Variants in STK38L observed in about 807,000 individuals in gnomAD.
STK38L encodes the protein serine/threonine kinase 38 like.
Under a neutral mutation model 59.7 loss-of-function variants are expected in STK38L, and 28 were observed. The ratio of observed to expected loss-of-function variants is 0.47; its 90% CI spans 0.35 to 0.64. The LOEUF (loss-of-function observed/expected upper bound fraction) is 0.64. Among genes scored for constraint, STK38L ranks in the 30% least tolerant of loss-of-function variants. STK38L has a pLI of 0.01. For missense variants in STK38L, 314 were observed against 555.8 expected, an observed-to-expected ratio of 0.56 and a Z score of 4.37; for synonymous variants, 162 against 176.8, an observed-to-expected ratio of 0.92 and a Z score of 0.66.
At chr12:27,304,755 G>T (rs964323777) in intron 3 of STK38L, among the ~76,000 whole-genome samples, 9 of 152,062 alleles carry the variant, frequency 5.9e-5, no homozygotes, top group African/African-American at 2.2e-4. Context: ...TAGGGGAAGA[G>T]ACTGCAAAAA....
intron 1 of STK38L, among the ~76,000 whole-genome samples, chr12:27,287,505 C>T (rs1943800417): frequency 6.6e-6 from 1 of 152,116 alleles, no homozygotes; most frequent in South Asian, 2.1e-4. Flanking sequence ...TATGTATATT[C>T]CATATTTTTG....
chr12:27,286,807 GAA>G (rs1943783062), intron 1 of STK38L, among the ~76,000 whole-genome samples: 1 of 152,182 alleles, frequency 6.6e-6, no homozygotes, highest in Non-Finnish European at 1.5e-5. Context: ...AGGGTGGACA[GAA>G]AGGCACCTCA....
intron 3 of STK38L, 182 bp downstream of exon 3, chr12:27,302,370 A>G (rs1944196244): frequency 2.4e-6 from 1 of 425,508 alleles, no homozygotes; most frequent in Admixed American, 4.2e-5. Context: ...TTTTTTTCTT[A>G]AATTCCAAGA....
intron 1 of STK38L, among the ~76,000 whole-genome samples, chr12:27,260,949 C>T: frequency 6.6e-6 from 1 of 152,140 alleles, no homozygotes; most frequent in East Asian, 1.9e-4. Flanking sequence ...ACAGATGACT[C>T]ATCTTTCTTT....
chr12:27,304,178 G>T (rs1170192353), intron 3 of STK38L, among the ~76,000 whole-genome samples: 1 of 149,022 alleles, frequency 6.7e-6, no homozygotes, highest in Admixed American at 6.7e-5. Flanking sequence ...AGGATCACTT[G>T]AGCTCAGAAG....
Position 27,244,291 on chromosome 12 carries a change from C to T in STK38L, c.-53C>T, listed in dbSNP as rs1453852029. 1 of 152,316 alleles carries T rather than the reference C, an allele frequency of 6.6e-6. No individual in the cohort carries two copies. Among genetic ancestry groups the T allele is most frequent in the East Asian group, 1.9e-4 (1 of 5,194 alleles). 9.4% of individuals were successfully genotyped at this position (152,316 alleles called of 1,614,324 possible). On this transcript the variant is annotated 5_prime_UTR_variant, in exon 1 of 14. Coordinates refer to ENST00000389032, the MANE Select transcript of STK38L (RefSeq NM_015000.4). Reference sequence around the variant, plus strand: ...TGACGGGCGCCCGGCCGGCTGCGGTCCGTGCGGAGGCTGAGCCGGCCGCGG... The same window carrying T: ...TGACGGGCGCCCGGCCGGCTGCGGTTCGTGCGGAGGCTGAGCCGGCCGCGG...
At position 27,323,361 on chromosome 12, in the gene STK38L, A is replaced by G. The variant is rs887781078; in HGVS notation, c.*906A>G. 5 of 152,664 alleles carry G rather than the reference A, an allele frequency of 3.3e-5. No individual in the cohort carries two copies. The highest frequency in any genetic ancestry group is 2.1e-4 in the South Asian group (1 of 4,832). 9.5% of individuals were successfully genotyped at this position (152,664 alleles called of 1,614,324 possible). The stretch of plus-strand genomic sequence containing the variant: ...AGAATTAGTGTATTTTTATTAAACT[A>G]TTTTTTTAAATGTCAAACTTCTATC... On this transcript the variant is annotated 3_prime_UTR_variant, in exon 14 of 14. Transcript: ENST00000389032.
intron 1 of STK38L, among the ~76,000 whole-genome samples, chr12:27,296,546 TC>T (rs1944027040): frequency 6.6e-6 from 1 of 152,220 alleles, no homozygotes; most frequent in African/African-American, 2.4e-5. Flanking sequence ...CAGGTCCACA[TC>T]CAGGGCTCTG....
At chr12:27,291,038 T>A (rs556612507) in intron 1 of STK38L, among the ~76,000 whole-genome samples, 1 of 152,246 alleles carries the variant, frequency 6.6e-6, no homozygotes, top group East Asian at 1.9e-4. Context: ...CTATCCGAAG[T>A]GCAAATCAGA....
At chr12:27,260,606 G>C (rs1048479664) in intron 1 of STK38L, among the ~76,000 whole-genome samples, 1 of 152,026 alleles carries the variant, frequency 6.6e-6, no homozygotes, top group African/African-American at 2.4e-5. Context: ...CTCTGCTTCA[G>C]GGCCTTTGCA....
At chr12:27,250,197 T>A (rs1942942035) in intron 1 of STK38L, among the ~76,000 whole-genome samples, 1 of 152,152 alleles carries the variant, frequency 6.6e-6, no homozygotes, top group African/African-American at 2.4e-5. Flanking sequence ...GGCCAAGTTC[T>A]CCCATTGCTA....
At chr12:27,286,593 A>G (rs1291964898) in intron 1 of STK38L, among the ~76,000 whole-genome samples, 1 of 152,104 alleles carries the variant, frequency 6.6e-6, no homozygotes, top group Non-Finnish European at 1.5e-5. Flanking sequence ...TTTAATTTTA[A>G]ACATTTGGTT....
Position 27,324,736 on chromosome 12 carries a change from A to C in STK38L, c.*2281A>C, listed in dbSNP as rs910280894. On this transcript the variant is annotated 3_prime_UTR_variant, in exon 14 of 14. Transcript: ENST00000389032. Reference sequence around the variant, plus strand: ...TTCTCCTCATCAAAAGCATTTCTTAAGTGCCTATCTAAAAGCAATTAAAGA... The same window carrying C: ...TTCTCCTCATCAAAAGCATTTCTTACGTGCCTATCTAAAAGCAATTAAAGA... The C allele has an allele frequency of 6.6e-6, 1 of 152,096 alleles. No homozygotes were observed. Among genetic ancestry groups the C allele is most frequent in the African/African-American group, 2.4e-5 (1 of 41,452 alleles). 9.4% of individuals were successfully genotyped at this position (152,096 alleles called of 1,614,324 possible). A position where few individuals can be genotyped will look rare whatever the true frequency, so the allele number is the denominator to read the frequency against.
chr12:27,245,897 A>G (rs140682278), intron 1 of STK38L: 28 of 152,146 alleles, frequency 1.8e-4, no homozygotes, highest in African/African-American at 6.0e-4. Context: ...TTTGGTTGTG[A>G]TGTGTTTAGA....
In STK38L at chr12:27,299,512, A is replaced by G. The variant is rs144847560; in HGVS notation, c.134+1658A>G. Among the ~76,000 whole-genome samples, 940 of 152,356 alleles carry G rather than the reference A, an allele frequency of 6.2e-3. 16 individuals are homozygous for G. Among genetic ancestry groups the G allele is most frequent in the African/African-American group, 0.021 (868 of 41,592 alleles). On this transcript the variant is annotated intron_variant, in intron 2 of 13. Transcript: ENST00000389032. ...CCACAAATAGAAGATTTAAATGGTA[A>G]GTAGGTGGATAAATCTCAACAAAAA...
chr12:27,260,096 CCCA>C (rs1012276671), intron 1 of STK38L, among the ~76,000 whole-genome samples: 1 of 151,972 alleles, frequency 6.6e-6, no homozygotes, highest in Non-Finnish European at 1.5e-5. Flanking sequence ...ATACAAGTCC[CCCA>C]CCACCACCAC....
At chr12:27,262,114 C>T (rs901525943) in intron 1 of STK38L, among the ~76,000 whole-genome samples, 6 of 152,118 alleles carry the variant, frequency 3.9e-5, no homozygotes, top group Non-Finnish European at 7.4e-5. Context: ...ATGAATCAGA[C>T]GTTTGTGTAC....
chr12:27,283,720 G>A (rs1222408749), intron 1 of STK38L, among the ~76,000 whole-genome samples: 1 of 152,158 alleles, frequency 6.6e-6, no homozygotes, highest in Admixed American at 6.5e-5. Flanking sequence ...ATCCAGTTTG[G>A]AAAGAAAATA....
chr12:27,272,937 C>T lies in STK38L; in HGVS notation c.-11-24773C>T, dbSNP rs137949723. Among the ~76,000 whole-genome samples, 152 of 152,042 alleles carry T rather than the reference C, an allele frequency of 1.0e-3. 1 individual carries two copies. Among genetic ancestry groups the T allele is most frequent in the African/African-American group, 3.1e-3 (128 of 41,482 alleles). On this transcript the variant is annotated intron_variant, in intron 1 of 13. Transcript: ENST00000389032. ...GCAGTTAAATGTGGACTGTAAAACA[C>T]ATGAAGAAATACTGGAAAAACAAAA...
Sources: allele counts gnomAD v4.1 joint callset (sites outside exome capture counted in the v4.1 genomes callset), GRCh38; gene constraint gnomAD v4.1.1; transcripts MANE v1.5; gene names NCBI Gene and HGNC (gene_info 2026-07-23, HGNC 2026-07-21).